Variants in BMPR1B observed in about 807,000 individuals in gnomAD.
The protein encoded by BMPR1B is bone morphogenetic protein receptor type-1B.
Under a neutral mutation model 59.1 loss-of-function variants are expected in BMPR1B, and 12 were observed. The observed-to-expected ratio is 0.20, with a 90% CI of 0.13 to 0.33. BMPR1B has a LOEUF of 0.33. BMPR1B is among the 10% of genes least tolerant of loss of function. The pLI is 1.00. For missense variants in BMPR1B, 550 were observed against 610.9 expected, an observed-to-expected ratio of 0.90 and a Z score of 1.05; for synonymous variants, 237 against 207.3, an observed-to-expected ratio of 1.14 and a Z score of -1.23.
At chr4:94,965,752 T>C (rs994386946) in intron 2 of BMPR1B, among the ~76,000 whole-genome samples, 1 of 149,054 alleles carries the variant, frequency 6.7e-6, no homozygotes, top group African/African-American at 2.6e-5. Flanking sequence ...TGATTTAGAC[T>C]GAAAGAGTAA....
At chr4:94,999,388 A>T (rs1268537569) in intron 3 of BMPR1B, among the ~76,000 whole-genome samples, 1 of 151,820 alleles carries the variant, frequency 6.6e-6, no homozygotes, top group Non-Finnish European at 1.5e-5. Context: ...TAATTAAAAA[A>T]TTATTTTGTT....
intron 3 of BMPR1B, among the ~76,000 whole-genome samples, chr4:95,037,633 A>T (rs540981662): frequency 6.0e-4 from 92 of 152,212 alleles, no homozygotes; most frequent in Non-Finnish European, 1.0e-3. Flanking sequence ...GATGAAAAGG[A>T]TAAAGACTAA....
chr4:94,908,085 A>G (rs868325959), intron 2 of BMPR1B, among the ~76,000 whole-genome samples: 7,856 of 111,356 alleles, frequency 0.071, 855 homozygotes, highest in African/African-American at 0.24. Flanking sequence ...AAAAAAAAAA[A>G]AAAAAGAAAA....
At chr4:94,940,384 A>G (rs563642539) in intron 2 of BMPR1B, among the ~76,000 whole-genome samples, 3 of 152,318 alleles carry the variant, frequency 2.0e-5, no homozygotes, top group East Asian at 1.9e-4. Context: ...GCCCAAGACA[A>G]TGCATCCAGT....
At chr4:94,965,930 T>C (rs1207498949) in intron 2 of BMPR1B, among the ~76,000 whole-genome samples, 1 of 152,122 alleles carries the variant, frequency 6.6e-6, no homozygotes, top group Admixed American at 6.5e-5. Context: ...AAGGAAACAT[T>C]GGAAAGCAAG....
At chr4:95,138,958 A>G (rs1015474590) in intron 10 of BMPR1B, among the ~76,000 whole-genome samples, 21 of 152,296 alleles carry the variant, frequency 1.4e-4, no homozygotes, top group Admixed American at 6.5e-4. Flanking sequence ...ATTGCTGGTG[A>G]GGAGCTCCCT....
chr4:95,097,122 A>G (rs1200255875), intron 3 of BMPR1B, among the ~76,000 whole-genome samples: 2 of 92,004 alleles, frequency 2.2e-5, no homozygotes, highest in Non-Finnish European at 4.5e-5. Flanking sequence ...TATAATTTAT[A>G]TATTAATTTA....
At chr4:94,764,479 T>C (rs1192372242) in intron 1 of BMPR1B, among the ~76,000 whole-genome samples, 1 of 152,194 alleles carries the variant, frequency 6.6e-6, no homozygotes, top group Non-Finnish European at 1.5e-5. Flanking sequence ...CTTGGGGTTC[T>C]TTTCCACTAC....
At chr4:94,773,275 T>G (rs369472637) in intron 1 of BMPR1B, among the ~76,000 whole-genome samples, 2 of 152,138 alleles carry the variant, frequency 1.3e-5, no homozygotes, top group Admixed American at 1.3e-4. Context: ...TAGTAGCATA[T>G]ATCATTAGTT....
chr4:94,981,145 A>G (rs1164153307), intron 2 of BMPR1B, among the ~76,000 whole-genome samples: 1 of 152,174 alleles, frequency 6.6e-6, no homozygotes, highest in Non-Finnish European at 1.5e-5. Context: ...TAATACTTAT[A>G]TATGCAGTTA....
intron 1 of BMPR1B, among the ~76,000 whole-genome samples, chr4:94,787,638 C>T (rs188887788): frequency 1.4e-4 from 21 of 152,228 alleles, no homozygotes; most frequent in African/African-American, 3.9e-4. Flanking sequence ...AAGGTTTAAC[C>T]ACGTCTTTGG....
intron 3 of BMPR1B, among the ~76,000 whole-genome samples, chr4:95,075,655 A>T (rs1198672093): frequency 6.6e-6 from 1 of 152,082 alleles, no homozygotes; most frequent in African/African-American, 2.4e-5. Context: ...CAGTGGTACT[A>T]GTTGGCCTGC....
intron 3 of BMPR1B, among the ~76,000 whole-genome samples, chr4:95,039,062 C>G (rs17022921): frequency 0.012 from 1,753 of 152,154 alleles, 25 homozygotes; most frequent in African/African-American, 0.039. Context: ...ACAAGGTGAT[C>G]GGATAAAGGA....
At chr4:95,093,638 TTGAG>T (rs1217953685) in intron 3 of BMPR1B, among the ~76,000 whole-genome samples, 2 of 152,086 alleles carry the variant, frequency 1.3e-5, no homozygotes, top group Admixed American at 1.3e-4. Flanking sequence ...CATAAAATGT[TTGAG>T]TGATTGAAGC....
intron 1 of BMPR1B, among the ~76,000 whole-genome samples, chr4:94,794,735 A>G (rs547187928): frequency 3.1e-3 from 470 of 151,928 alleles, no homozygotes; most frequent in African/African-American, 0.011. Context: ...GGTCCTTCAC[A>G]TCCCTTGTAA....
At chr4:95,017,312 T>C (rs1332271918) in intron 3 of BMPR1B, among the ~76,000 whole-genome samples, 2 of 152,256 alleles carry the variant, frequency 1.3e-5, no homozygotes, top group East Asian at 1.9e-4. Context: ...TGTGCTGAAC[T>C]ACTGCTGCCT....
At chr4:94,959,146 A>G (rs1257976025) in intron 2 of BMPR1B, among the ~76,000 whole-genome samples, 1 of 152,152 alleles carries the variant, frequency 6.6e-6, no homozygotes, top group African/African-American at 2.4e-5. Context: ...ATTAAAGATT[A>G]CAGAACTGGA....
rs191716582 is a variant in BMPR1B at position 94,919,203 on chromosome 4, C to T, written c.-113+43303C>T. Reference sequence around the variant, plus strand: ...GCAAGCCACACCCAAGTCATCCATACGCAGACGTGCACTGCCTTAAGTATA... The same window carrying T: ...GCAAGCCACACCCAAGTCATCCATATGCAGACGTGCACTGCCTTAAGTATA... On this transcript the variant is annotated intron_variant, in intron 2 of 12. Coordinates refer to ENST00000515059, the MANE Select transcript of BMPR1B (RefSeq NM_001203.3). 3.7e-3 allele frequency among the ~76,000 whole-genome samples: 564 copies of T among 152,276 alleles called. 2 individuals are homozygous for T. Among genetic ancestry groups the T allele is most frequent in the African/African-American group, 0.013 (530 of 41,566 alleles).
chr4:95,034,081 G>T (rs2149161578), intron 3 of BMPR1B, among the ~76,000 whole-genome samples: 1 of 152,252 alleles, frequency 6.6e-6, no homozygotes, highest in African/African-American at 2.4e-5. Context: ...GAGGATGTTT[G>T]CTAGCTCATA....
Sources: allele counts gnomAD v4.1 joint callset (sites outside exome capture counted in the v4.1 genomes callset), GRCh38; gene constraint gnomAD v4.1.1; transcripts MANE v1.5; gene names NCBI Gene and HGNC (gene_info 2026-07-23, HGNC 2026-07-21).